Variants in PRDM2 observed in about 807,000 individuals in gnomAD.
PRDM2 encodes the protein PR domain zinc finger protein 2.
PRDM2 carries 30 observed loss-of-function variants against 130.0 expected under a neutral mutation model. That is an observed-to-expected ratio of 0.23 (90% CI 0.17 to 0.31). The LOEUF (loss-of-function observed/expected upper bound fraction) is 0.31. Ranked by LOEUF, PRDM2 falls within the 10% of genes least tolerant of loss-of-function variation. The pLI is 1.00. For synonymous variants in PRDM2, 871 were observed against 782.4 expected (o/e 1.11, Z -1.89); for missense variants, 2,011 against 2,108.4 (o/e 0.95, Z 0.90).
intron 2 of PRDM2, among the ~76,000 whole-genome samples, chr1:13,720,522 G>T (rs1642689502): frequency 6.6e-6 from 1 of 152,152 alleles, no homozygotes; most frequent in Non-Finnish European, 1.5e-5. Flanking sequence ...GGGTTTTGAG[G>T]AGAGGGCTGT....
At chr1:13,819,693 C>T (rs1645316056) in intron 9 of PRDM2, among the ~76,000 whole-genome samples, 1 of 152,156 alleles carries the variant, frequency 6.6e-6, no homozygotes, top group African/African-American at 2.4e-5. Flanking sequence ...CTGCAAGTAC[C>T]AGATCAGGGT....
At chr1:13,705,719 C>A (rs1210444155) in intron 1 of PRDM2, 1 of 152,418 alleles carries the variant, frequency 6.6e-6, no homozygotes, top group Non-Finnish European at 1.5e-5. Context: ...CGTGGTGGCT[C>A]ATGCCTGTAA....
chr1:13,786,560 A>T (rs549437727), intron 8 of PRDM2: 1 of 1,606,792 alleles, frequency 6.2e-7, no homozygotes, highest in African/African-American at 1.3e-5. Flanking sequence ...ACCTTAATTG[A>T]CTAAAAAGTA....
intron 6 of PRDM2, among the ~76,000 whole-genome samples, chr1:13,760,428 A>G (rs1644069306): frequency 6.6e-6 from 1 of 152,128 alleles, no homozygotes; most frequent in Non-Finnish European, 1.5e-5. Context: ...ATTGATCAGT[A>G]CTTTGAAAAT....
Position 13,778,868 on chromosome 1 carries a change from T to G in PRDM2, c.1073T>G (p.Phe358Cys). The part of the protein sequence containing the change: ...EEANGDVFET[F>C]MFPCQHCERK... The stretch of plus-strand genomic sequence containing the variant: ...GCCAATGGTGATGTATTTGAAACGT[T>G]TATGTTTCCGTGTCAACATTGTGAA... The change falls in exon 8 of 10, where the codon TTT becomes TGT. Residue 358 changes from phenylalanine to cysteine, a missense_variant. This residue lies in a region of PRDM2 where 1,288 missense variants were observed against 1,237.7 expected (regional missense o/e 1.04). Transcript: ENST00000311066. 3 of 1,614,188 alleles carry G rather than the reference T, an allele frequency of 1.9e-6. No individual in the cohort carries two copies. The highest frequency in any genetic ancestry group is 2.5e-6 in the Non-Finnish European group (3 of 1,180,036).
chr1:13,702,805 T>G (rs996462809), intron 1 of PRDM2, among the ~76,000 whole-genome samples: 6 of 152,178 alleles, frequency 3.9e-5, no homozygotes, highest in Non-Finnish European at 8.8e-5. Context: ...TTTTTAATAC[T>G]CATGCAGAAA....
intron 7 of PRDM2, among the ~76,000 whole-genome samples, chr1:13,777,339 A>G (rs541213016): frequency 5.3e-5 from 8 of 151,986 alleles, no homozygotes; most frequent in South Asian, 2.1e-4. Flanking sequence ...AGGGTTCACT[A>G]TCTTCCTTGT....
chr1:13,751,956 C>T (rs946141076), intron 6 of PRDM2, among the ~76,000 whole-genome samples: 8 of 151,366 alleles, frequency 5.3e-5, no homozygotes, highest in Non-Finnish European at 1.0e-4. Context: ...CACCTTTCTT[C>T]TCTCCTCCCC....
chr1:13,798,938 G>T (rs1291010446), intron 8 of PRDM2, among the ~76,000 whole-genome samples: 2 of 152,192 alleles, frequency 1.3e-5, no homozygotes, highest in African/African-American at 2.4e-5. Context: ...TGTTAACAAA[G>T]CTGTTCCAAA....
At position 13,715,057 on chromosome 1, in the gene PRDM2, T is replaced by G. The variant is rs144763831; in HGVS notation, c.-65-484T>G. 9.1e-3 allele frequency among the ~76,000 whole-genome samples: 1,390 copies of G among 152,344 alleles called. 12 individuals carry two copies. The highest frequency in any genetic ancestry group is 0.02 in the African/African-American group (816 of 41,590). On this transcript the variant is annotated intron_variant, in intron 1 of 9. Coordinates refer to ENST00000311066, the MANE Select transcript of PRDM2 (RefSeq NM_001393986.1). ...GCATTTTACTGCCAGTTTTTTGTTC[T>G]TTTCCTCAGAGAGAACTCCTGGTGG...
intron 8 of PRDM2, among the ~76,000 whole-genome samples, chr1:13,805,400 C>T (rs975819453): frequency 1.3e-5 from 2 of 152,124 alleles, no homozygotes; most frequent in Non-Finnish European, 2.9e-5. Context: ...CTCAGCCCTT[C>T]CCCCAGGCTG....
chr1:13,710,675 G>A (rs920958855), intron 1 of PRDM2, among the ~76,000 whole-genome samples: 14 of 152,142 alleles, frequency 9.2e-5, no homozygotes, highest in Admixed American at 3.3e-4. Context: ...TTGATTAGGC[G>A]TGGAAATGCA....
chr1:13,742,119 C>T lies in PRDM2; in HGVS notation c.346C>T (p.Leu116=), dbSNP rs367581374. ...CSGEEQNLFP[L]EINRAIYYKT... ...AGGAGAAGAGCAAAATTTATTCCCA[C>T]TGGAAATCAACAGAGCCATTTACTA... is the stretch of plus-strand genomic sequence containing the variant. The change falls in exon 5 of 10, where the codon CTG becomes TTG. Residue 116 remains leucine (L), a synonymous_variant. Transcript: ENST00000311066. The T allele has an allele frequency of 9.3e-4, 1,503 of 1,613,938 alleles. 8 individuals carry two copies. Among genetic ancestry groups the T allele is most frequent in the South Asian group, 3.4e-3 (307 of 91,074 alleles).
In PRDM2 at chr1:13,823,248, C is replaced by T. The variant is rs368465083; in HGVS notation, c.*113C>T. ...GACCTATCCCAGTTGTGTGAGGCTG[C>T]GAGAGAAAGGGAGTGCATGTGCGCG... On this transcript the variant is annotated 3_prime_UTR_variant, in exon 10 of 10. Transcript: ENST00000311066. 21 of 1,566,176 alleles carry T rather than the reference C, an allele frequency of 1.3e-5. No individual in the cohort carries two copies. Among genetic ancestry groups the T allele is most frequent in the East Asian group, 4.5e-5 (2 of 44,476 alleles).
intron 1 of PRDM2, among the ~76,000 whole-genome samples, chr1:13,701,678 C>T (rs1642078333): frequency 6.6e-6 from 1 of 152,040 alleles, no homozygotes; most frequent in African/African-American, 2.4e-5. Context: ...TTTATTAAAC[C>T]CCCTCATTTC....
In PRDM2 at chr1:13,824,317, C is replaced by T. The variant is rs973882336; in HGVS notation, c.*1182C>T. 3.3e-5 allele frequency: 5 copies of T among 152,378 alleles called. No individual in the cohort carries two copies. Among genetic ancestry groups the T allele is most frequent in the South Asian group, 2.1e-4 (1 of 4,822 alleles). The allele number at this position is 152,378 out of a possible 1,614,324, so 9.4% of individuals were successfully genotyped here. On this transcript the variant is annotated 3_prime_UTR_variant, in exon 10 of 10. Coordinates refer to ENST00000311066, the MANE Select transcript of PRDM2 (RefSeq NM_001393986.1). ...CGGAAGGAGGGAGCTCTGATGAGCA[C>T]GGTTTGTCACACGATAAAGGGATTT...
intron 8 of PRDM2, among the ~76,000 whole-genome samples, chr1:13,814,797 T>C (rs1557678247): frequency 6.6e-6 from 1 of 152,200 alleles, no homozygotes; most frequent in Non-Finnish European, 1.5e-5. Context: ...TGCAAACACC[T>C]GGAGCAGGTA....
rs779682802 is a variant in PRDM2 at position 13,782,195 on chromosome 1, T to C, written c.4400T>C (p.Ile1467Thr). The change falls in exon 8 of 10, where the codon ATT becomes ACT. Residue 1467 changes from isoleucine to threonine, a missense_variant. Physicochemically the swap from Ile to Thr is moderately conservative, Grantham distance 89. Coordinates refer to ENST00000311066, the MANE Select transcript of PRDM2 (RefSeq NM_001393986.1). ...CPYCNREFTY[I>T]GSLNKHAAFS... ...TACTGTAATCGAGAGTTCACTTACATTGGAAGCCTGAATAAACACGCCGCC... is the reference window on the plus strand; with the variant it reads ...TACTGTAATCGAGAGTTCACTTACACTGGAAGCCTGAATAAACACGCCGCC... 2.5e-6 allele frequency: 4 copies of C among 1,613,626 alleles called. No homozygotes were observed. The highest frequency in any genetic ancestry group is 3.4e-6 in the Non-Finnish European group (4 of 1,179,910).
intron 4 of PRDM2, among the ~76,000 whole-genome samples, chr1:13,740,796 C>A (rs764853999): frequency 6.6e-6 from 1 of 152,168 alleles, no homozygotes; most frequent in African/African-American, 2.4e-5. Flanking sequence ...TGTTAGGGCC[C>A]GGTAAGGTGG....
Sources: allele counts gnomAD v4.1 joint callset (sites outside exome capture counted in the v4.1 genomes callset), GRCh38; gene constraint gnomAD v4.1.1; regional missense constraint gnomAD v4.1.1; transcripts MANE v1.5; gene names NCBI Gene and HGNC (gene_info 2026-07-23, HGNC 2026-07-21).